The following POLE variants were observed in gnomAD, a reference collection of about 807,000 sequenced individuals.
POLE encodes the protein DNA polymerase epsilon catalytic subunit A.
POLE carries 188 observed loss-of-function variants against 279.2 expected under a neutral mutation model. The ratio of observed to expected loss-of-function variants is 0.67; its 90% CI spans 0.60 to 0.76. POLE has a LOEUF of 0.76. Ranked by LOEUF, POLE falls within the 30% of genes least tolerant of loss-of-function variation. POLE has a pLI of 0.00. For synonymous variants in POLE, 1,214 were observed against 1,172.5 expected, an observed-to-expected ratio of 1.04 and a Z score of -0.72; for missense variants, 2,703 against 3,016.7, an observed-to-expected ratio of 0.90 and a Z score of 2.44.
In POLE at chr12:132,659,525, G is replaced by T; in HGVS notation, c.3061-16C>A. ...TGTTGGCTGCCTAGAGAAAGACAAT[G>T]GGTAAAACACTGCAGAAATCAAGGG... On this transcript the variant is annotated splice_polypyrimidine_tract_variant and intron_variant, in intron 25 of 48. Coordinates refer to ENST00000320574, the MANE Select transcript of POLE (RefSeq NM_006231.4). The T allele has an allele frequency of 6.2e-7, 1 of 1,606,650 alleles. No homozygotes were observed. The highest frequency in any genetic ancestry group is 8.5e-7 in the Non-Finnish European group (1 of 1,173,550).
At chr12:132,659,757 A>G (rs2042638147) in intron 25 of POLE, 1 of 460,754 alleles carries the variant, frequency 2.2e-6, no homozygotes, top group African/African-American at 2.0e-5. Flanking sequence ...CAGTGGTGCA[A>G]TCTCAACTCA....
intron 35 of POLE, 31 bp from the exon 36 acceptor site, chr12:132,643,027 C>T (rs1486081064): frequency 6.4e-7 from 1 of 1,563,082 alleles, no homozygotes; most frequent in Non-Finnish European, 8.6e-7. Flanking sequence ...TCAGCCTCCC[C>T]CTGCGCAGGA....
chr12:132,666,127 A>G (rs1170180277), intron 20 of POLE, among the ~76,000 whole-genome samples: 1 of 152,256 alleles, frequency 6.6e-6, no homozygotes, highest in Non-Finnish European at 1.5e-5. Context: ...CTTGCAGCCC[A>G]TGTTGAAACC....
Position 132,681,256 on chromosome 12 carries a change from A to T in POLE, c.86T>A (p.Val29Asp), listed in dbSNP as rs2136034786. 1 of 1,614,210 alleles carries T rather than the reference A, an allele frequency of 6.2e-7. No individual in the cohort carries two copies. The highest frequency in any genetic ancestry group is 8.5e-7 in the Non-Finnish European group (1 of 1,180,024). ...CCGTTCCAGGCGCTTGAGTGCCGAA[A>T]CTGAGGAAGTGGCGCCATCATCCCT... is the stretch of plus-strand genomic sequence containing the variant. ...ASRDDGATSSVSALKRLERSQ... is the reference protein window; with the variant it reads ...ASRDDGATSSDSALKRLERSQ... The change falls in exon 2 of 49, where the codon GTT becomes GAT. Residue 29 changes from valine to aspartate, a missense_variant. Coordinates refer to ENST00000320574, the MANE Select transcript of POLE (RefSeq NM_006231.4).
Position 132,637,988 on chromosome 12 carries a change from G to A in POLE, c.5678+26C>T, listed in dbSNP as rs756751084. 14 of 1,612,600 alleles carry A rather than the reference G, an allele frequency of 8.7e-6. No individual in the cohort carries two copies. In the East Asian group the frequency reaches 2.2e-4, roughly 26 times the overall value. Reference sequence around the variant, plus strand: ...GCATCCCTCTCAAAGCCACAGTGCTGCGTCACCAGGACCAGCCAGCCGCAC... The same window carrying A: ...GCATCCCTCTCAAAGCCACAGTGCTACGTCACCAGGACCAGCCAGCCGCAC... On this transcript the variant is annotated intron_variant, in intron 41 of 48. Transcript: ENST00000320574.
rs775264438 is a variant in POLE, at chr12:132,634,419, C to T, written c.5812-41G>A. On this transcript the variant is annotated intron_variant, in intron 42 of 48. Coordinates refer to ENST00000320574, the MANE Select transcript of POLE (RefSeq NM_006231.4). The surrounding 1 kb of genome is among the most constrained non-coding windows in gnomAD (Gnocchi z 4.0). ...CAACGCGGCTGTGTTTGCACCATCGCGGCCTGGTAGAGGGGTAGGATGCCA... is the reference window on the plus strand; with the variant it reads ...CAACGCGGCTGTGTTTGCACCATCGTGGCCTGGTAGAGGGGTAGGATGCCA... The T allele has an allele frequency of 1.6e-5, 26 of 1,581,334 alleles. No individual in the cohort carries two copies. The highest frequency in any genetic ancestry group is 2.1e-5 in the Non-Finnish European group (24 of 1,157,438).
In POLE at chr12:132,624,711, G is replaced by C. The variant is rs1267521228; in HGVS notation, c.6847C>G (p.Gln2283Glu). The part of the protein sequence containing the change: ...TLEWLLQKNP[Q>E]LGH The stretch of plus-strand genomic sequence containing the variant: ...CCCGGGGCTGGCTAATGGCCCAGCT[G>C]TGGGTTCTTCTGCAGCAGCCACTCC... The change falls in exon 49 of 49, where the codon CAG (glutamine) becomes GAG (glutamate). Residue 2283 changes from glutamine (Q) to glutamate (E), a missense_variant. Physicochemically the swap from Gln to Glu is conservative, Grantham distance 29. Coordinates refer to ENST00000320574, the MANE Select transcript of POLE (RefSeq NM_006231.4). 6.2e-7 allele frequency: 1 copy of C among 1,609,602 alleles called. No homozygotes were observed. The highest frequency in any genetic ancestry group is 1.7e-5 in the Admixed American group (1 of 60,036).
Position 132,687,244 on chromosome 12 carries a change from C to A in POLE, c.62+10G>T. ...GGCCGGCCCGAGAGCCTCAGGAGGGCGCCCCTCACCTGCTGGCCTCGCCAT... is the reference window on the plus strand; with the variant it reads ...GGCCGGCCCGAGAGCCTCAGGAGGGAGCCCCTCACCTGCTGGCCTCGCCAT... On this transcript the variant is annotated intron_variant, in intron 1 of 48. Transcript: ENST00000320574. 1.4e-6 allele frequency: 2 copies of A among 1,479,988 alleles called. No homozygotes were observed. Among genetic ancestry groups the A allele is most frequent in the Non-Finnish European group, 1.8e-6 (2 of 1,115,630 alleles). The allele number at this position is 1,479,988 out of a possible 1,614,324, so 91.7% of individuals were successfully genotyped here. A position where few individuals can be genotyped will look rare whatever the true frequency, so the allele number is the denominator to read the frequency against.
chr12:132,677,059 T>G (rs1042958314), intron 8 of POLE, among the ~76,000 whole-genome samples: 1 of 152,192 alleles, frequency 6.6e-6, no homozygotes, highest in Non-Finnish European at 1.5e-5. Context: ...GGCCTTCTAG[T>G]TACAAATCCA....
chr12:132,649,932 TGC>T, intron 29 of POLE, 43 bp from the exon 30 acceptor site: 1 of 1,565,928 alleles, frequency 6.4e-7, no homozygotes, highest in Non-Finnish European at 8.7e-7. Flanking sequence ...GATCTCGGGC[TGC>T]GCAGGGTGGC....
intron 45 of POLE, among the ~76,000 whole-genome samples, chr12:132,627,304 T>A (rs2041858353): frequency 6.6e-6 from 1 of 151,764 alleles, no homozygotes. Context: ...AGCTATGTGA[T>A]TTTTTTTATT....
intron 23 of POLE, 55 bp downstream of exon 23, chr12:132,663,949 C>G: frequency 6.3e-7 from 1 of 1,598,674 alleles, no homozygotes; most frequent in South Asian, 1.1e-5. Flanking sequence ...CCAGTGACAT[C>G]AGGGCACTGA....
intron 38 of POLE, 101 bp downstream of exon 38, chr12:132,642,075 CG>C: frequency 8.7e-7 from 1 of 1,155,702 alleles, no homozygotes; most frequent in African/African-American, 1.5e-5. Flanking sequence ...CCTGCGCGGT[CG>C]AACTCTGAGC....
At chr12:132,669,958 G>A (rs549677498) in intron 16 of POLE, among the ~76,000 whole-genome samples, 3 of 152,178 alleles carry the variant, frequency 2.0e-5, no homozygotes, top group East Asian at 3.9e-4. Flanking sequence ...CAGGGAGCCT[G>A]GCGTCCTCAC....
chr12:132,634,333 C>G lies in POLE; in HGVS notation c.5857G>C (p.Glu1953Gln), dbSNP rs749600385. 1 of 1,614,142 alleles carries G rather than the reference C, an allele frequency of 6.2e-7. No homozygotes were observed. The highest frequency in any genetic ancestry group is 1.7e-5 in the Admixed American group (1 of 60,012). The change falls in exon 43 of 49, where the codon GAG becomes CAG. Residue 1953 changes from glutamate (E) to glutamine (Q), a missense_variant. Glu to Gln is a conservative substitution (Grantham distance 29). Around this residue, in one of 5 missense-constraint regions of POLE, gnomAD observed 1,551 missense variants for 1,686.1 expected, o/e 0.92. Transcript: ENST00000320574. The surrounding 1 kb of genome is among the most constrained non-coding windows in gnomAD (Gnocchi z 4.0). The stretch of plus-strand genomic sequence containing the variant: ...CCATCTCTTTCCTCCTCATCGTCCT[C>G]ATTTTCCTGCTCATCCTCTGCTCCC... ...AGGAEDEQENEDDEEERDGEE... is the reference protein window; with the variant it reads ...AGGAEDEQENQDDEEERDGEE...
chr12:132,679,886 A>G (rs1313950605), intron 5 of POLE, 68 bp downstream of exon 5: 2 of 1,221,694 alleles, frequency 1.6e-6, no homozygotes, highest in Non-Finnish European at 2.3e-6. Context: ...ACCTCTTCCG[A>G]TCCCACCTGC....
rs2138675401 is a variant in POLE, at chr12:132,659,352, C to T, written c.3218G>A (p.Gly1073Glu). ...FLGDQMVKDA[G>E]LSCRYIISRK... ...GGAGATGATGTAGCGGCAACTCAGC[C>T]CTGCATCCTTGACCATCTGGTCTCC... Residue 1073 changes from glycine (G) to glutamate (E), a missense_variant, in exon 26 of 49, where the codon GGG becomes GAG. Gly to Glu is a moderately conservative substitution (Grantham distance 98). Transcript: ENST00000320574. 6.2e-7 allele frequency: 1 copy of T among 1,614,180 alleles called. No individual in the cohort carries two copies. Among genetic ancestry groups the T allele is most frequent in the South Asian group, 1.1e-5 (1 of 91,086 alleles).
At chr12:132,644,719 T>C (rs5744926) in intron 32 of POLE, among the ~76,000 whole-genome samples, 10,620 of 130,730 alleles carry the variant, frequency 0.081, 451 homozygotes, top group Non-Finnish European at 0.11. Context: ...CACCCTAGCT[T>C]CGTGAATGGG....
At chr12:132,637,358 C>T (rs767967269) in intron 41 of POLE, among the ~76,000 whole-genome samples, 1 of 152,224 alleles carries the variant, frequency 6.6e-6, no homozygotes, top group Non-Finnish European at 1.5e-5. Context: ...CAAGCAACTC[C>T]CCTCTGTGCT....
Sources: gnomAD v4.1 joint callset for allele counts (sites outside exome capture counted in the v4.1 genomes callset) on GRCh38, gnomAD v4.1.1 for gene constraint, gnomAD v4.1.1 regional missense constraint, Gnocchi (gnomAD v3.1) non-coding constraint, MANE v1.5 for transcripts, NCBI Gene and HGNC (gene_info 2026-07-23, HGNC 2026-07-21) for gene names.